The following DISC1 variants were observed in gnomAD, a reference collection of about 807,000 sequenced individuals.
DISC1 encodes the protein disrupted in schizophrenia 1 protein.
A neutral mutation model predicts 84.5 loss-of-function variants in DISC1; 57 were observed. The ratio of observed to expected loss-of-function variants is 0.67; its 90% CI spans 0.55 to 0.84. DISC1 has a LOEUF of 0.84. DISC1 is among the 40% of genes least tolerant of loss of function. The pLI, the probability that DISC1 is intolerant of heterozygous loss-of-function variation, is 0.00. For synonymous variants in DISC1, 411 were observed against 415.2 expected (o/e 0.99, Z 0.12); for missense variants, 1,000 against 1,057.8 (o/e 0.95, Z 0.76).
At chr1:231,696,281 C>G (rs1466137615) in intron 2 of DISC1, among the ~76,000 whole-genome samples, 1 of 152,186 alleles carries the variant, frequency 6.6e-6, no homozygotes, top group Non-Finnish European at 1.5e-5. Flanking sequence ...TGCGGTGTTT[C>G]TCTTCTCCAG....
At chr1:231,992,386 C>G (rs1285140366) in intron 10 of DISC1, among the ~76,000 whole-genome samples, 1 of 152,088 alleles carries the variant, frequency 6.6e-6, no homozygotes, top group Non-Finnish European at 1.5e-5. Context: ...ACTTTCAAAA[C>G]TCTTTGCTGG....
chr1:231,666,227 A>G (rs2062001546), intron 1 of DISC1, among the ~76,000 whole-genome samples: 1 of 149,788 alleles, frequency 6.7e-6, no homozygotes, highest in Non-Finnish European at 1.5e-5. Flanking sequence ...TTTTCATGTC[A>G]TATTAAAGCA....
At chr1:231,885,350 GT>G (rs2086607082) in intron 9 of DISC1, among the ~76,000 whole-genome samples, 1 of 152,204 alleles carries the variant, frequency 6.6e-6, no homozygotes, top group East Asian at 1.9e-4. Context: ...GACCACAGAA[GT>G]TTTGAACGCT....
At chr1:231,629,926 C>T (rs1287570802) in intron 1 of DISC1, among the ~76,000 whole-genome samples, 1 of 152,030 alleles carries the variant, frequency 6.6e-6, no homozygotes, top group African/African-American at 2.4e-5. Context: ...ACAATGGTGA[C>T]CTTTAAACAA....
chr1:231,939,358 C>G (rs1199085590), intron 9 of DISC1, among the ~76,000 whole-genome samples: 1 of 152,194 alleles, frequency 6.6e-6, no homozygotes, highest in Non-Finnish European at 1.5e-5. Flanking sequence ...ATGAATGACT[C>G]CAGCCTAACA....
chr1:231,762,789 C>T (rs1234122739), intron 4 of DISC1, among the ~76,000 whole-genome samples: 1 of 152,130 alleles, frequency 6.6e-6, no homozygotes, highest in Non-Finnish European at 1.5e-5. Flanking sequence ...CAAACAGCCC[C>T]AGTGTGAGGG....
intron 10 of DISC1, among the ~76,000 whole-genome samples, chr1:231,987,605 G>T (rs745676810): frequency 6.6e-6 from 1 of 152,126 alleles, no homozygotes; most frequent in South Asian, 2.1e-4. Context: ...TTCTTTGCTG[G>T]ATTTCCTTCT....
In DISC1 at chr1:231,829,845, G is replaced by T. The variant is rs566824407; in HGVS notation, c.1981+11328G>T. On this transcript the variant is annotated intron_variant, in intron 9 of 12. Transcript: ENST00000439617. ...AAAGGAAAATTACAGTCAAAGGGGG[G>T]TTGTTCTCTGGCGGGCAGGAGTGGG... Among the ~76,000 whole-genome samples, 8 of 147,824 alleles carry T rather than the reference G, an allele frequency of 5.4e-5. 2 individuals carry two copies. The highest frequency in any genetic ancestry group is 2.0e-4 in the African/African-American group (8 of 40,240).
chr1:231,912,079 T>C (rs1219546088), intron 9 of DISC1, among the ~76,000 whole-genome samples: 1 of 152,182 alleles, frequency 6.6e-6, no homozygotes, highest in African/African-American at 2.4e-5. Context: ...TCGTCTAATG[T>C]TTTTTCAAGG....
intron 9 of DISC1, among the ~76,000 whole-genome samples, chr1:231,838,535 T>C (rs1403887396): frequency 7.9e-5 from 12 of 152,160 alleles, no homozygotes; most frequent in Admixed American, 6.5e-4. Flanking sequence ...GTAGCAAGAA[T>C]ATAGAAAAGG....
chr1:231,845,143 C>T (rs1463249317), intron 9 of DISC1, among the ~76,000 whole-genome samples: 1 of 152,112 alleles, frequency 6.6e-6, no homozygotes, highest in Non-Finnish European at 1.5e-5. Context: ...GCATGTTCAA[C>T]CCTACTTCCC....
At chr1:231,755,760 C>T (rs1049776136) in intron 4 of DISC1, among the ~76,000 whole-genome samples, 3 of 152,212 alleles carry the variant, frequency 2.0e-5, no homozygotes, top group Admixed American at 2.0e-4. Context: ...CTTTCCATCC[C>T]TCCCCACAGT....
rs116787508 is a variant in DISC1 at position 231,940,528 on chromosome 1, C to T, written c.1982-18300C>T. On this transcript the variant is annotated intron_variant, in intron 9 of 12. Transcript: ENST00000439617. ...CTCCTCACTTACATCTTATGCTTCCCGACATTCAGCACATAATTTAAAATG... is the reference window on the plus strand; with the variant it reads ...CTCCTCACTTACATCTTATGCTTCCTGACATTCAGCACATAATTTAAAATG... Among the ~76,000 whole-genome samples the T allele has an allele frequency of 7.5e-3, 1,143 of 152,240 alleles. 19 individuals carry two copies. Among genetic ancestry groups the T allele is most frequent in the African/African-American group, 0.026 (1,063 of 41,532 alleles).
chr1:231,876,202 C>T (rs982840560), intron 9 of DISC1, among the ~76,000 whole-genome samples: 2 of 152,152 alleles, frequency 1.3e-5, no homozygotes, highest in Non-Finnish European at 1.5e-5. Context: ...CACTATCCCC[C>T]GCATTGTACT....
At chr1:231,813,004 C>T (rs1186348848) in intron 8 of DISC1, among the ~76,000 whole-genome samples, 2 of 152,162 alleles carry the variant, frequency 1.3e-5, no homozygotes, top group Non-Finnish European at 2.9e-5. Flanking sequence ...ACTTTTATCA[C>T]TGTGCATTTT....
intron 10 of DISC1, among the ~76,000 whole-genome samples, chr1:232,006,617 A>G (rs986741292): frequency 2.0e-5 from 3 of 152,160 alleles, no homozygotes; most frequent in Admixed American, 6.5e-5. Context: ...TGAAGAGATG[A>G]TGTGTAATTG....
At chr1:231,721,917 G>T (rs111306260) in intron 3 of DISC1, among the ~76,000 whole-genome samples, 1 of 152,188 alleles carries the variant, frequency 6.6e-6, no homozygotes, top group Non-Finnish European at 1.5e-5. Context: ...ACTTTGGGAG[G>T]TCGAGGCGGG....
intron 10 of DISC1, among the ~76,000 whole-genome samples, chr1:231,983,691 T>G (rs1403944058): frequency 2.0e-5 from 3 of 151,110 alleles, no homozygotes; most frequent in African/African-American, 7.3e-5. Context: ...TGCAAGGCCT[T>G]TCTAGCTCCC....
intron 1 of DISC1, among the ~76,000 whole-genome samples, chr1:231,678,630 T>G (rs991766862): frequency 6.6e-6 from 1 of 152,148 alleles, no homozygotes; most frequent in African/African-American, 2.4e-5. Flanking sequence ...CAGTCTAAAT[T>G]CAGAACTCTC....
Sources: allele counts gnomAD v4.1 joint callset (sites outside exome capture counted in the v4.1 genomes callset), GRCh38; gene constraint gnomAD v4.1.1; transcripts MANE v1.5; gene names NCBI Gene and HGNC (gene_info 2026-07-23, HGNC 2026-07-21).